Variants in BCORL1 observed in about 807,000 individuals in gnomAD.
The protein encoded by BCORL1 is BCL6 corepressor like 1, also known as BCL-6 corepressor-like protein 1.
BCORL1 carries 7 observed loss-of-function variants against 87.6 expected under a neutral mutation model. The observed-to-expected ratio is 0.08, with a 90% CI of 0.05 to 0.15. BCORL1 has a LOEUF of 0.15. Ranked by LOEUF, BCORL1 falls within the 10% of genes least tolerant of loss-of-function variation. The probability of loss-of-function intolerance (pLI) is 1.00; values close to 1 mark genes in which losing one functional copy is unlikely to be tolerated. For synonymous variants in BCORL1, 591 were observed against 634.4 expected (o/e 0.93, Z 1.03); for missense variants, 1,215 against 1,499.7 (o/e 0.81, Z 3.13).
rs771396923 is a variant in BCORL1, at chrX:130,014,283, A to G, written c.1511A>G (p.Tyr504Cys). 5.0e-6 allele frequency: 6 copies of G among 1,208,458 alleles called. No individual in the cohort carries two copies. The Admixed American group carries it at 8.8e-5, about 18-fold the overall frequency. The change falls in exon 4 of 14, where the codon TAT becomes TGT. Residue 504 changes from tyrosine to cysteine, a missense_variant. Physicochemically the swap from Tyr to Cys is radical, Grantham distance 194. This residue lies in a region of BCORL1 where 861 missense variants were observed against 1,010.0 expected (regional missense o/e 0.85). Coordinates refer to ENST00000540052, the MANE Select transcript of BCORL1 (RefSeq NM_001379451.1). ...TCCCCCGAGCTCCGTTCTTACCCGTATGCATTTTCTGTGGCCCGGCCTCTG... is the reference window on the plus strand; with the variant it reads ...TCCCCCGAGCTCCGTTCTTACCCGTGTGCATTTTCTGTGGCCCGGCCTCTG... ...LASPELRSYP[Y>C]AFSVARPLTS...
At chrX:129,997,371 T>C (rs1265646975) in intron 1 of BCORL1, among the ~76,000 whole-genome samples, 1 of 111,583 alleles carries the variant, frequency 9.0e-6, no homozygotes, top group East Asian at 2.8e-4. Context: ...GGCTTTTCTT[T>C]TATGCCTATC....
intron 4 of BCORL1, among the ~76,000 whole-genome samples, chrX:130,017,823 A>G (rs760130060): frequency 9.1e-6 from 1 of 109,957 alleles, no homozygotes; most frequent in Non-Finnish European, 1.9e-5. Context: ...TTTTGTAGAG[A>G]CGAGGTCTCA....
chrX:130,033,545 C>T (rs1387826204), intron 8 of BCORL1, among the ~76,000 whole-genome samples: 3 of 112,475 alleles, frequency 2.7e-5, no homozygotes, highest in African/African-American at 9.7e-5. Flanking sequence ...AAGCCCAGGT[C>T]TGCCTTAGAT....
Position 130,037,259 on chromosome X carries a change from G to T in BCORL1, c.4528-108G>T. On this transcript the variant is annotated intron_variant, in intron 9 of 13. Transcript: ENST00000540052. ...TTTGAAGTGTGTCCCTGCTATAAAG[G>T]GCAGGCTCTGAGACTCCTCAGATAT... The T allele has an allele frequency of 3.8e-6, 3 of 798,084 alleles. No homozygotes were observed. The South Asian group carries it at 6.5e-5, about 17-fold the overall frequency. The allele number at this position is 798,084 out of a possible 1,213,427, so 65.8% of individuals were successfully genotyped here.
chrX:130,025,416 C>G, intron 7 of BCORL1, 37 bp downstream of exon 7: 1 of 1,114,172 alleles, frequency 9.0e-7, no homozygotes, highest in Non-Finnish European at 1.2e-6. Flanking sequence ...CGCCGCGGCC[C>G]GTTTGGCTTC....
At chrX:129,983,212 A>G (rs1420223388) in intron 1 of BCORL1, among the ~76,000 whole-genome samples, 6 of 108,456 alleles carry the variant, frequency 5.5e-5, no homozygotes, top group Non-Finnish European at 1.2e-4. Context: ...GTTCGCCACG[A>G]TCCAAGAGAG....
chrX:130,053,802 C>T (rs1355296588), intron 13 of BCORL1, among the ~76,000 whole-genome samples: 1 of 112,283 alleles, frequency 8.9e-6, no homozygotes, highest in African/African-American at 3.2e-5. Context: ...CCTTCTGAAT[C>T]ACCAAAGCAA....
chrX:130,000,896 TTGTGTGTG>T (rs61288678), intron 1 of BCORL1, among the ~76,000 whole-genome samples: 1 of 98,243 alleles, frequency 1.0e-5, no homozygotes, highest in Middle Eastern at 5.1e-3. Flanking sequence ...GGTGGATGCT[TTGTGTGTG>T]TGTGTGTGTG....
At chrX:130,031,566 A>G (rs1255235300) in intron 8 of BCORL1, among the ~76,000 whole-genome samples, 1 of 112,001 alleles carries the variant, frequency 8.9e-6, no homozygotes, top group Non-Finnish European at 1.9e-5. Flanking sequence ...GGTGGATCAC[A>G]TGAGATCAGG....
chrX:130,019,115 C>T (rs1929630428), intron 4 of BCORL1, among the ~76,000 whole-genome samples: 1 of 112,085 alleles, frequency 8.9e-6, no homozygotes. Flanking sequence ...AACTGTTAAC[C>T]AGAATGTTCA....
chrX:130,014,115 C>G lies in BCORL1; in HGVS notation c.1343C>G (p.Pro448Arg). ...QPGTVLTPSQ[P>R]LVYIPPPSCG... ...GGGACAGTGCTGACCCCGAGCCAGC[C>G]GCTGGTATATATCCCGCCTCCAAGC... Residue 448 changes from proline to arginine, a missense_variant, in exon 4 of 14, where the codon CCG becomes CGG. Around this residue, in one of 5 missense-constraint regions of BCORL1, gnomAD observed 861 missense variants for 1,010.0 expected, o/e 0.85. Transcript: ENST00000540052. 1 of 1,210,798 alleles carries G rather than the reference C, an allele frequency of 8.3e-7. No homozygotes were observed. The highest frequency in any genetic ancestry group is 1.1e-6 in the Non-Finnish European group (1 of 895,112).
At chrX:130,021,556 T>C (rs1359514060) in intron 5 of BCORL1, among the ~76,000 whole-genome samples, 1 of 112,183 alleles carries the variant, frequency 8.9e-6, no homozygotes. Flanking sequence ...CAAAAATAAA[T>C]AGCTAGTTAG....
At chrX:130,036,805 C>A (rs769155068) in intron 9 of BCORL1, among the ~76,000 whole-genome samples, 4 of 111,610 alleles carry the variant, frequency 3.6e-5, no homozygotes, top group Non-Finnish European at 7.5e-5. Context: ...TCTCTGAGGA[C>A]CTCACCTCAA....
At chrX:129,982,390 C>T (rs1352619750), upstream of BCORL1, among the ~76,000 whole-genome samples, 1 of 111,789 alleles carries the variant, frequency 8.9e-6, no homozygotes, top group Non-Finnish European at 1.9e-5. Flanking sequence ...GCTCTGCCCC[C>T]TTCGCCGCCG....
At chrX:130,009,781 C>T (rs1928810984) in intron 2 of BCORL1, among the ~76,000 whole-genome samples, 4 of 110,669 alleles carry the variant, frequency 3.6e-5, no homozygotes, top group Admixed American at 1.9e-4. Flanking sequence ...GAAGAAACAG[C>T]AGGATTGATT....
intron 1 of BCORL1, among the ~76,000 whole-genome samples, chrX:129,996,164 G>C (rs1927546972): frequency 9.0e-6 from 1 of 110,992 alleles, no homozygotes; most frequent in Admixed American, 9.6e-5. Flanking sequence ...TTTACCAAGA[G>C]CTCTGGGTCT....
chrX:130,020,868 C>A, intron 4 of BCORL1, 117 bp from the exon 5 acceptor site: 1 of 831,458 alleles, frequency 1.2e-6, no homozygotes. Context: ...TGCCCCTGGT[C>A]CCCCACTCTG....
In BCORL1 at chrX:130,013,806, C is replaced by T. The variant is rs1444481019; in HGVS notation, c.1034C>T (p.Thr345Met). 1.0e-5 allele frequency: 12 copies of T among 1,167,971 alleles called. No homozygotes were observed. Among genetic ancestry groups the T allele is most frequent in the Middle Eastern group, 2.3e-4 (1 of 4,335 alleles). Residue 345 changes from threonine (T) to methionine (M), a missense_variant, in exon 4 of 14, where the codon ACG becomes ATG. Physicochemically the swap from Thr to Met is moderately conservative, Grantham distance 81. Coordinates refer to ENST00000540052, the MANE Select transcript of BCORL1 (RefSeq NM_001379451.1). Reference sequence around the variant, plus strand: ...GTTCTGGCTCCCATGCCAGCATCCACGCCTCCAGCGGCCCCTGCCCCTCCG... The same window carrying T: ...GTTCTGGCTCCCATGCCAGCATCCATGCCTCCAGCGGCCCCTGCCCCTCCG... ...TPVLAPMPAS[T>M]PPAAPAPPSV... is the part of the protein sequence containing the mutation.
intron 2 of BCORL1, 48 bp from the exon 3 acceptor site, chrX:130,012,530 C>G (rs1288300202): frequency 1.8e-6 from 2 of 1,122,039 alleles, no homozygotes; most frequent in Middle Eastern, 2.9e-4. Context: ...GGTGTTGGCT[C>G]AAATCCTGGG....
Sources: allele counts gnomAD v4.1 joint callset (sites outside exome capture counted in the v4.1 genomes callset), GRCh38; gene constraint gnomAD v4.1.1; regional missense constraint gnomAD v4.1.1; transcripts MANE v1.5; gene names NCBI Gene and HGNC (gene_info 2026-07-23, HGNC 2026-07-21).